CSMD1: variants seen among roughly 807,000 people sequenced by gnomAD.
The protein encoded by CSMD1 is CUB and sushi domain-containing protein 1.
In CSMD1, 213 loss-of-function variants were observed where a neutral mutation model predicts 417.5. The ratio of observed to expected loss-of-function variants is 0.51; its 90% CI spans 0.46 to 0.57. The LOEUF is 0.57. Ranked by LOEUF, CSMD1 falls within the 20% of genes least tolerant of loss-of-function variation. CSMD1 has a pLI of 0.00. For synonymous variants in CSMD1, 2,862 were observed against 1,736.8 expected, an observed-to-expected ratio of 1.65 and a Z score of -16.11; for missense variants, 6,923 against 4,529.7, an observed-to-expected ratio of 1.53 and a Z score of -15.17.
At chr8:3,989,155 T>G (rs1210915402) in intron 5 of CSMD1, among the ~76,000 whole-genome samples, 1 of 152,204 alleles carries the variant, frequency 6.6e-6, no homozygotes, top group East Asian at 1.9e-4. Flanking sequence ...GCTAAGGGTT[T>G]TCCAAGCGTC....
intron 1 of CSMD1, among the ~76,000 whole-genome samples, chr8:4,961,309 C>T (rs545292420): frequency 1.3e-5 from 2 of 152,170 alleles, no homozygotes; most frequent in South Asian, 2.1e-4. Flanking sequence ...CCCATTATTC[C>T]ACCGAAGACC....
At position 4,371,076 on chromosome 8, in the gene CSMD1, C is replaced by T. The variant is rs148069637; in HGVS notation, c.415+48877G>A. On this transcript the variant is annotated intron_variant, in intron 3 of 69. Coordinates refer to ENST00000635120, the MANE Select transcript of CSMD1 (RefSeq NM_033225.6). The stretch of plus-strand genomic sequence containing the variant: ...TAATCATCATTTCCCTTTGAAGTTA[C>T]TGTTCTTTAGATGGGGCATTTTGTT... Among the ~76,000 whole-genome samples the T allele has an allele frequency of 2.4e-4, 36 of 152,300 alleles. No homozygotes were observed. The East Asian group carries it at 6.4e-3, about 27-fold the overall frequency.
At chr8:3,437,754 CTT>C (rs34146233) in intron 12 of CSMD1, among the ~76,000 whole-genome samples, 1 of 148,632 alleles carries the variant, frequency 6.7e-6, no homozygotes, top group Non-Finnish European at 1.5e-5. Flanking sequence ...GATATCTTTT[CTT>C]TTTTTTTTTG....
At chr8:4,641,726 T>C (rs752360402) in intron 1 of CSMD1, among the ~76,000 whole-genome samples, 48 of 152,150 alleles carry the variant, frequency 3.2e-4, no homozygotes, top group Non-Finnish European at 4.7e-4. Flanking sequence ...AGTCATAACA[T>C]ATATCACAAT....
chr8:3,826,612 C>T (rs1041210478), intron 5 of CSMD1, among the ~76,000 whole-genome samples: 7 of 152,078 alleles, frequency 4.6e-5, no homozygotes, highest in African/African-American at 7.2e-5. Context: ...CTCTCAGTCC[C>T]GTTCTGCTGA....
chr8:3,742,832 A>G (rs887297952), intron 6 of CSMD1, among the ~76,000 whole-genome samples: 17 of 152,226 alleles, frequency 1.1e-4, no homozygotes, highest in African/African-American at 4.1e-4. Context: ...AGGAGACCCA[A>G]CTTCTTCACT....
intron 64 of CSMD1, among the ~76,000 whole-genome samples, chr8:2,955,261 C>T (rs371370127): frequency 6.6e-6 from 1 of 152,082 alleles, no homozygotes; most frequent in East Asian, 1.9e-4. Context: ...GAAACTATAC[C>T]AAGTATTATT....
At chr8:4,403,503 C>G (rs1215730915) in intron 3 of CSMD1, among the ~76,000 whole-genome samples, 3 of 152,234 alleles carry the variant, frequency 2.0e-5, no homozygotes, top group South Asian at 4.2e-4. Context: ...GAAAAATCAC[C>G]TCTCCTCATC....
chr8:3,935,733 G>C (rs1409634506), intron 5 of CSMD1, among the ~76,000 whole-genome samples: 1 of 152,034 alleles, frequency 6.6e-6, no homozygotes, highest in East Asian at 1.9e-4. Context: ...TCCTTCATTG[G>C]GCCTCGCTAT....
intron 3 of CSMD1, among the ~76,000 whole-genome samples, chr8:4,397,733 C>A (rs1804352470): frequency 6.6e-6 from 1 of 151,790 alleles, no homozygotes; most frequent in Non-Finnish European, 1.5e-5. Flanking sequence ...TCTCAAAATA[C>A]AAATATGTTT....
chr8:4,660,839 C>G (rs371637976), intron 1 of CSMD1, among the ~76,000 whole-genome samples: 1 of 151,754 alleles, frequency 6.6e-6, no homozygotes, highest in African/African-American at 2.4e-5. Context: ...TGAAGATAGG[C>G]AGATGGCAAA....
chr8:4,000,259 C>G (rs1016325417), intron 4 of CSMD1, among the ~76,000 whole-genome samples: 6 of 152,004 alleles, frequency 3.9e-5, no homozygotes, highest in Non-Finnish European at 7.4e-5. Context: ...CACCACTGTG[C>G]AAGCACACAC....
intron 1 of CSMD1, among the ~76,000 whole-genome samples, chr8:4,817,745 C>T (rs1268518205): frequency 1.3e-5 from 2 of 152,142 alleles, no homozygotes; most frequent in Non-Finnish European, 2.9e-5. Context: ...TAATATAATG[C>T]AGCTATCACG....
intron 26 of CSMD1, among the ~76,000 whole-genome samples, chr8:3,279,526 A>T (rs1360512733): frequency 6.6e-6 from 1 of 152,178 alleles, no homozygotes; most frequent in Admixed American, 6.5e-5. Flanking sequence ...ACGTATGACA[A>T]TCCCAGTGGG....
At chr8:3,427,086 C>A (rs1487708813) in intron 12 of CSMD1, among the ~76,000 whole-genome samples, 1 of 152,124 alleles carries the variant, frequency 6.6e-6, no homozygotes, top group Non-Finnish European at 1.5e-5. Flanking sequence ...TAGTGGAAAC[C>A]ATCCCCATGA....
At chr8:3,302,049 A>G (rs1287653755) in intron 25 of CSMD1, among the ~76,000 whole-genome samples, 2 of 152,054 alleles carry the variant, frequency 1.3e-5, no homozygotes, top group Non-Finnish European at 2.9e-5. Flanking sequence ...TTGGATATTG[A>G]GGGAGGAGAA....
At position 3,241,130 on chromosome 8, in the gene CSMD1, G is replaced by A. The variant is rs540327620; in HGVS notation, c.4154-10899C>T. The stretch of plus-strand genomic sequence containing the variant: ...TTGGGAAGAAGGGCGGCAATGAGAT[G>A]TAGCTGTAGTCCAGGAATAGTTAGG... On this transcript the variant is annotated intron_variant, in intron 26 of 69. Transcript: ENST00000635120. Among the ~76,000 whole-genome samples the A allele has an allele frequency of 1.5e-3, 229 of 151,796 alleles. 1 individual carries two copies. The highest frequency in any genetic ancestry group is 5.2e-3 in the East Asian group (27 of 5,168).
intron 40 of CSMD1, among the ~76,000 whole-genome samples, chr8:3,147,414 T>C (rs1818910292): frequency 6.6e-6 from 1 of 152,194 alleles, no homozygotes; most frequent in Admixed American, 6.5e-5. Context: ...TTATTTAGAT[T>C]GAAAGTGCTC....
chr8:4,400,510 A>G (rs1804573489), intron 3 of CSMD1, among the ~76,000 whole-genome samples: 1 of 152,240 alleles, frequency 6.6e-6, no homozygotes, highest in Non-Finnish European at 1.5e-5. Flanking sequence ...GTTCTAAAAA[A>G]GTCAATAAAA....
Sources: gnomAD v4.1 joint callset for allele counts (sites outside exome capture counted in the v4.1 genomes callset) on GRCh38, gnomAD v4.1.1 for gene constraint, MANE v1.5 for transcripts, NCBI Gene and HGNC (gene_info 2026-07-23, HGNC 2026-07-21) for gene names.